Variants in PDE4D observed in about 807,000 individuals in gnomAD.
The protein encoded by PDE4D is phosphodiesterase 4D.
In PDE4D, 24 loss-of-function variants were observed where a neutral mutation model predicts 87.4. That is an observed-to-expected ratio of 0.27 (90% CI 0.20 to 0.39). The LOEUF (loss-of-function observed/expected upper bound fraction) is 0.39, where lower values mean the gene tolerates loss of function less well. Among genes scored for constraint, PDE4D ranks in the 10% least tolerant of loss-of-function variants. The probability of loss-of-function intolerance (pLI) is 1.00; values close to 1 mark genes in which losing one functional copy is unlikely to be tolerated. For synonymous variants in PDE4D, 384 were observed against 383.2 expected, an observed-to-expected ratio of 1.00 and a Z score of -0.02; for missense variants, 714 against 1,041.0, an observed-to-expected ratio of 0.69 and a Z score of 4.32.
chr5:59,359,507 T>C (rs994789222), intron 1 of PDE4D, among the ~76,000 whole-genome samples: 8 of 152,194 alleles, frequency 5.3e-5, no homozygotes, highest in Admixed American at 2.6e-4. Context: ...AGATTAATCA[T>C]GAGCAAAATT....
chr5:59,200,029 ACATG>A (rs1746493980), intron 2 of PDE4D, among the ~76,000 whole-genome samples: 1 of 150,090 alleles, frequency 6.7e-6, no homozygotes, highest in Non-Finnish European at 1.5e-5. Flanking sequence ...ACATATACAT[ACATG>A]CACACACACG....
chr5:60,158,236 C>A (rs1438217502), intron 2 of PDE4D, among the ~76,000 whole-genome samples: 1 of 152,160 alleles, frequency 6.6e-6, no homozygotes, highest in East Asian at 1.9e-4. Context: ...TAGCCTAACA[C>A]ACACACACCT....
intron 1 of PDE4D, among the ~76,000 whole-genome samples, chr5:60,312,790 T>C (rs1755169746): frequency 6.6e-6 from 1 of 152,088 alleles, no homozygotes; most frequent in Non-Finnish European, 1.5e-5. Flanking sequence ...ACCATACAAT[T>C]ACATGAAAAA....
intron 2 of PDE4D, among the ~76,000 whole-genome samples, chr5:60,149,778 T>C (rs974066005): frequency 6.7e-6 from 1 of 149,448 alleles, no homozygotes; most frequent in Non-Finnish European, 1.5e-5. Context: ...TGTGTACATA[T>C]ATGTATATAT....
intron 2 of PDE4D, among the ~76,000 whole-genome samples, chr5:60,160,567 G>C (rs2149461473): frequency 6.6e-6 from 1 of 152,160 alleles, no homozygotes; most frequent in Admixed American, 6.5e-5. Flanking sequence ...TATTATTCAA[G>C]TATTTATTCA....
intron 2 of PDE4D, among the ~76,000 whole-genome samples, chr5:60,050,097 G>T (rs560584626): frequency 6.6e-5 from 10 of 152,192 alleles, no homozygotes; most frequent in African/African-American, 9.6e-5. Context: ...TCAGAAAAGC[G>T]CAGTATTCAG....
intron 1 of PDE4D, among the ~76,000 whole-genome samples, chr5:59,308,104 C>T (rs900574127): frequency 1.5e-3 from 221 of 151,430 alleles, no homozygotes; most frequent in African/African-American, 4.6e-3. Flanking sequence ...AGTAAACTAT[C>T]GCAAGAACAA....
intron 1 of PDE4D, among the ~76,000 whole-genome samples, chr5:59,655,235 A>G (rs1006372803): frequency 6.6e-6 from 1 of 152,172 alleles, no homozygotes; most frequent in Non-Finnish European, 1.5e-5. Flanking sequence ...CAAAGCTCCT[A>G]CTTAAAATTG....
intron 1 of PDE4D, among the ~76,000 whole-genome samples, chr5:60,406,565 C>T (rs1741553354): frequency 1.3e-5 from 2 of 152,030 alleles, no homozygotes; most frequent in Non-Finnish European, 2.9e-5. Flanking sequence ...GTAAATGTGC[C>T]CCAGAGTTGC....
intron 1 of PDE4D, among the ~76,000 whole-genome samples, chr5:60,494,594 C>T (rs1197581784): frequency 2.0e-5 from 3 of 152,180 alleles, no homozygotes; most frequent in Non-Finnish European, 4.4e-5. Context: ...CCCTGGGCTC[C>T]CCAGATTCTT....
chr5:59,907,660 C>T (rs1300666940), intron 3 of PDE4D, among the ~76,000 whole-genome samples: 1 of 152,126 alleles, frequency 6.6e-6, no homozygotes, highest in African/African-American at 2.4e-5. Context: ...TTATAAATAA[C>T]ATTCTCTCTG....
Position 59,943,461 on chromosome 5 carries a change from T to C in PDE4D, c.272+45027A>G, listed in dbSNP as rs59332551. ...TTCCATCAGACCCACATTTTCTTTA[T>C]TGAACCACCTTATTAGCTTATTGTT... On this transcript the variant is annotated intron_variant, in intron 3 of 16. Coordinates refer to the PDE4D transcript ENST00000502484. Among the ~76,000 whole-genome samples the C allele has an allele frequency of 8.1e-3, 1,230 of 152,330 alleles. 18 individuals are homozygous for C. Among genetic ancestry groups the C allele is most frequent in the African/African-American group, 0.029 (1,190 of 41,584 alleles).
At chr5:60,241,271 C>CT (rs371953042) in intron 1 of PDE4D, among the ~76,000 whole-genome samples, 21,776 of 96,946 alleles carry the variant, frequency 0.22, 3,579 homozygotes, top group East Asian at 0.72. Context: ...CTCTCTCTCT[C>CT]TTTTTTTTTT....
chr5:60,077,804 G>C (rs746616654), intron 2 of PDE4D, among the ~76,000 whole-genome samples: 3 of 152,122 alleles, frequency 2.0e-5, no homozygotes, highest in Non-Finnish European at 2.9e-5. Context: ...GTCCATGGTG[G>C]TTAAAGGATT....
At chr5:60,376,033 A>T (rs918797618) in intron 1 of PDE4D, among the ~76,000 whole-genome samples, 4 of 152,162 alleles carry the variant, frequency 2.6e-5, no homozygotes, top group Non-Finnish European at 5.9e-5. Flanking sequence ...GCAAGACTCC[A>T]TCTAAACATA....
chr5:59,157,382 C>T (rs1466194483), intron 5 of PDE4D: 1 of 702,156 alleles, frequency 1.4e-6, no homozygotes, highest in Non-Finnish European at 2.6e-6. Flanking sequence ...AAGACATTTG[C>T]AAACAAGTGA....
At chr5:59,616,405 T>C (rs1310343591) in intron 1 of PDE4D, among the ~76,000 whole-genome samples, 1 of 152,182 alleles carries the variant, frequency 6.6e-6, no homozygotes, top group Non-Finnish European at 1.5e-5. Context: ...GTTTCAGCAC[T>C]TTCTATTTTG....
intron 1 of PDE4D, among the ~76,000 whole-genome samples, chr5:59,659,166 G>A (rs297975): frequency 1.3e-5 from 2 of 152,080 alleles, no homozygotes; most frequent in Non-Finnish European, 2.9e-5. Context: ...TTGCAGATTT[G>A]CAACAAATGC....
At chr5:59,374,209 C>A (rs1289551096) in intron 1 of PDE4D, among the ~76,000 whole-genome samples, 1 of 152,044 alleles carries the variant, frequency 6.6e-6, no homozygotes. Flanking sequence ...GACTAAATGC[C>A]TCAATTAAAA....
Sources: gnomAD v4.1 joint callset for allele counts (sites outside exome capture counted in the v4.1 genomes callset) on GRCh38, gnomAD v4.1.1 for gene constraint, MANE v1.5 for transcripts, NCBI Gene and HGNC (gene_info 2026-07-23, HGNC 2026-07-21) for gene names.